CUEDC1: variants seen among roughly 807,000 people sequenced by gnomAD.
The protein encoded by CUEDC1 is CUE domain-containing protein 1.
In CUEDC1, 30 loss-of-function variants were observed where a neutral mutation model predicts 43.7. The observed-to-expected ratio is 0.69, with a 90% CI of 0.51 to 0.93. CUEDC1 has a LOEUF of 0.93. Among genes scored for constraint, CUEDC1 ranks in the 40% least tolerant of loss-of-function variants. The pLI is 0.00. For synonymous variants in CUEDC1, 223 were observed against 223.6 expected (o/e 1.00, Z 0.02); for missense variants, 486 against 549.0 (o/e 0.89, Z 1.15).
At chr17:57,896,773 T>C (rs898350279) in intron 1 of CUEDC1, among the ~76,000 whole-genome samples, 7 of 140,464 alleles carry the variant, frequency 5.0e-5, no homozygotes, top group South Asian at 2.4e-4. Context: ...CTTTCTTTTT[T>C]TTTTTTTTTT....
intron 1 of CUEDC1, among the ~76,000 whole-genome samples, chr17:57,937,875 C>A (rs1308387422): frequency 2.6e-5 from 4 of 151,956 alleles, no homozygotes; most frequent in African/African-American, 7.3e-5. Context: ...CTACTGCACT[C>A]CAGCTGGGAC....
In CUEDC1 at chr17:57,954,844, A is replaced by AC. The variant is rs2075041291; in HGVS notation, c.-316+380_-316+381insG. On this transcript the variant is annotated intron_variant, in intron 1 of 10. Transcript: ENST00000577830. This position sits in a 1 kb window ranked among gnomAD's most constrained non-coding sequence, Gnocchi z 4.3. ...CACACAAAAGGGGGAGCGGCGGGAGAGGGGACTCGGGCGAAGCCGGCTCCG... is the reference window on the plus strand; with the variant it reads ...CACACAAAAGGGGGAGCGGCGGGAGACGGGGACTCGGGCGAAGCCGGCTCCG... 6.6e-6 allele frequency among the ~76,000 whole-genome samples: 1 copy of AC among 151,464 alleles called. No homozygotes were observed. The highest frequency in any genetic ancestry group is 1.5e-5 in the Non-Finnish European group (1 of 67,792).
At chr17:57,940,179 T>C (rs1323788639) in intron 1 of CUEDC1, among the ~76,000 whole-genome samples, 2 of 151,700 alleles carry the variant, frequency 1.3e-5, no homozygotes, top group Admixed American at 1.3e-4. Flanking sequence ...GCCATGTGAC[T>C]CTTCTTCAGT....
intron 6 of CUEDC1, among the ~76,000 whole-genome samples, 165 bp from the exon 7 acceptor site, chr17:57,869,358 TC>T (rs554026023): frequency 7.6e-4 from 115 of 152,294 alleles, no homozygotes; most frequent in African/African-American, 2.6e-3. Flanking sequence ...AGCTCCTCTT[TC>T]CCCTTGTGGA....
intron 1 of CUEDC1, among the ~76,000 whole-genome samples, chr17:57,925,981 G>A (rs1312333525): frequency 6.6e-6 from 1 of 152,218 alleles, no homozygotes; most frequent in Non-Finnish European, 1.5e-5. Context: ...TCCCCAAGCT[G>A]GGTGGGGAGG....
intron 1 of CUEDC1, among the ~76,000 whole-genome samples, chr17:57,908,044 C>A (rs568260369): frequency 1.3e-5 from 2 of 151,934 alleles, no homozygotes; most frequent in African/African-American, 4.8e-5. Context: ...CGCATGCCCA[C>A]GGGCCAGCCA....
At chr17:57,897,652 A>G (rs1335898149) in intron 1 of CUEDC1, among the ~76,000 whole-genome samples, 6 of 119,320 alleles carry the variant, frequency 5.0e-5, no homozygotes, top group Non-Finnish European at 1.0e-4. Flanking sequence ...CCTGGTCTCA[A>G]TGAAAAAAAA....
chr17:57,885,123 C>G (rs1175249137), intron 2 of CUEDC1, 106 bp downstream of exon 2: 1 of 1,461,718 alleles, frequency 6.8e-7, no homozygotes, highest in Admixed American at 2.7e-5. Context: ...AACCCAGGTC[C>G]TCTTAGAGGT....
chr17:57,935,336 G>A lies in CUEDC1; in HGVS notation c.-316+19889C>T, dbSNP rs373059876. 1.5e-3 allele frequency among the ~76,000 whole-genome samples: 234 copies of A among 151,104 alleles called. 1 individual carries two copies. In the South Asian group the frequency reaches 0.028, roughly 18 times the overall value. On this transcript the variant is annotated intron_variant, in intron 1 of 10. Transcript: ENST00000577830. ...AAGGCTTCCATCCTGAGTGACCAGC[G>A]TGACAGTGATTTTTTTTTTTAAGCT... is the stretch of plus-strand genomic sequence containing the variant.
intron 6 of CUEDC1, among the ~76,000 whole-genome samples, chr17:57,870,771 G>T (rs145817149): frequency 2.2e-4 from 34 of 151,968 alleles, no homozygotes; most frequent in African/African-American, 8.0e-4. Context: ...CAACCTCCTG[G>T]GCTCAAGTGA....
In CUEDC1 at chr17:57,954,674, G is replaced by A. The variant is rs1567730205; in HGVS notation, c.-316+551C>T. Among the ~76,000 whole-genome samples, 1 of 152,082 alleles carries A rather than the reference G, an allele frequency of 6.6e-6. No individual in the cohort carries two copies. The highest frequency in any genetic ancestry group is 1.5e-5 in the Non-Finnish European group (1 of 68,002). On this transcript the variant is annotated intron_variant, in intron 1 of 10. Transcript: ENST00000577830. This position sits in a 1 kb window ranked among gnomAD's most constrained non-coding sequence, Gnocchi z 4.3. Reference sequence around the variant, plus strand: ...CAGGGGACCGGGAGGGACCAAAAAAGGCTGAGCCGACCTGTGACATCGGCG... The same window carrying A: ...CAGGGGACCGGGAGGGACCAAAAAAAGCTGAGCCGACCTGTGACATCGGCG...
At chr17:57,890,745 G>A (rs2074346719) in intron 1 of CUEDC1, among the ~76,000 whole-genome samples, 1 of 152,240 alleles carries the variant, frequency 6.6e-6, no homozygotes, top group Admixed American at 6.5e-5. Flanking sequence ...AGCTGCCCCA[G>A]TGCAGTTCAT....
chr17:57,942,684 C>T (rs1007582868), intron 1 of CUEDC1, among the ~76,000 whole-genome samples: 7 of 151,834 alleles, frequency 4.6e-5, no homozygotes, highest in Non-Finnish European at 1.0e-4. Context: ...CCACCACACC[C>T]GGCCAAATTG....
chr17:57,937,563 C>CTG (rs905831660), intron 1 of CUEDC1, among the ~76,000 whole-genome samples: 4 of 150,998 alleles, frequency 2.6e-5, no homozygotes, highest in African/African-American at 9.7e-5. Context: ...TAAGCCGAGA[C>CTG]TGTGCCACTG....
chr17:57,908,874 C>CGAA (rs963204374), intron 1 of CUEDC1, among the ~76,000 whole-genome samples: 1 of 152,118 alleles, frequency 6.6e-6, no homozygotes, highest in African/African-American at 2.4e-5. Context: ...GCATGCACCT[C>CGAA]TATTCCCAGC....
chr17:57,862,545 T>A lies in CUEDC1; in HGVS notation c.*744A>T, dbSNP rs2073895209. 6.6e-6 allele frequency: 1 copy of A among 152,326 alleles called. No individual in the cohort carries two copies. The highest frequency in any genetic ancestry group is 1.5e-5 in the Non-Finnish European group (1 of 68,208). 9.4% of individuals were successfully genotyped at this position (152,326 alleles called of 1,614,324 possible). On this transcript the variant is annotated 3_prime_UTR_variant, in exon 11 of 11. Transcript: ENST00000577830. ...AGCTCCAGGGTGGCCACCCTCCCCATCCCTGCTGGGTGACCGGGAGCTGCT... is the reference window on the plus strand; with the variant it reads ...AGCTCCAGGGTGGCCACCCTCCCCAACCCTGCTGGGTGACCGGGAGCTGCT...
At chr17:57,945,562 G>T (rs1020191725) in intron 1 of CUEDC1, among the ~76,000 whole-genome samples, 4 of 152,168 alleles carry the variant, frequency 2.6e-5, no homozygotes, top group African/African-American at 9.7e-5. Context: ...GGAATAAAAA[G>T]AATTTAACAT....
intron 9 of CUEDC1, chr17:57,866,777 G>C (rs540421973): frequency 2.2e-5 from 12 of 533,458 alleles, no homozygotes; most frequent in African/African-American, 3.8e-5. Context: ...TTCTCCCCTC[G>C]TCTTTGGGCC....
chr17:57,939,330 T>C (rs2074893781), intron 1 of CUEDC1, among the ~76,000 whole-genome samples: 2 of 151,918 alleles, frequency 1.3e-5, no homozygotes, highest in South Asian at 4.2e-4. Flanking sequence ...AGTGGAACAA[T>C]CCCGGCTCAC....
Sources: gnomAD v4.1 joint callset for allele counts (sites outside exome capture counted in the v4.1 genomes callset) on GRCh38, gnomAD v4.1.1 for gene constraint, Gnocchi (gnomAD v3.1) non-coding constraint, MANE v1.5 for transcripts, NCBI Gene and HGNC (gene_info 2026-07-23, HGNC 2026-07-21) for gene names.